Variants in MYO16 observed in about 807,000 individuals in gnomAD.
The protein encoded by MYO16 is unconventional myosin-XVI.
MYO16 carries 94 observed loss-of-function variants against 205.3 expected under a neutral mutation model. The observed-to-expected ratio is 0.46, with a 90% CI of 0.39 to 0.54. The LOEUF (loss-of-function observed/expected upper bound fraction) is 0.54. MYO16 is among the 20% of genes least tolerant of loss of function. The pLI is 0.00. For missense variants in MYO16, 2,315 were observed against 2,387.5 expected (o/e 0.97, Z 0.63); for synonymous variants, 988 against 954.0 (o/e 1.04, Z -0.66).
At chr13:109,203,787 C>T (rs1052671089) in intron 34 of MYO16, among the ~76,000 whole-genome samples, 1 of 152,196 alleles carries the variant, frequency 6.6e-6, no homozygotes, top group Admixed American at 6.5e-5. Context: ...TTCTGAAGCA[C>T]CTCTGTCACT....
intron 11 of MYO16, among the ~76,000 whole-genome samples, chr13:108,861,751 T>C (rs764806396): frequency 4.4e-4 from 67 of 152,328 alleles, no homozygotes; most frequent in Non-Finnish European, 8.8e-4. Flanking sequence ...ATTATCTTCT[T>C]TTGTGAACTG....
intron 12 of MYO16, among the ~76,000 whole-genome samples, chr13:108,878,288 T>G (rs1879422469): frequency 6.6e-6 from 1 of 151,564 alleles, no homozygotes; most frequent in Non-Finnish European, 1.5e-5. Context: ...AACACCAGAC[T>G]CCACAAGCAG....
intron 31 of MYO16, among the ~76,000 whole-genome samples, chr13:109,134,645 A>G (rs574431178): frequency 4.6e-5 from 7 of 152,296 alleles, no homozygotes; most frequent in South Asian, 2.1e-4. Flanking sequence ...AGGGTATCCA[A>G]CTTCTTACAG....
chr13:109,202,046 G>C (rs1364019052), intron 34 of MYO16, among the ~76,000 whole-genome samples: 2 of 151,510 alleles, frequency 1.3e-5, no homozygotes, highest in East Asian at 1.9e-4. Context: ...ATCATATATG[G>C]GGTATATATA....
chr13:108,781,632 T>C (rs888545084), intron 4 of MYO16, among the ~76,000 whole-genome samples: 2 of 152,322 alleles, frequency 1.3e-5, no homozygotes, highest in East Asian at 3.9e-4. Flanking sequence ...CTGGCTCTTT[T>C]ACTGTCTTTC....
At chr13:109,096,003 G>A (rs933793025) in intron 27 of MYO16, among the ~76,000 whole-genome samples, 7 of 152,172 alleles carry the variant, frequency 4.6e-5, no homozygotes, top group Admixed American at 6.5e-5. Flanking sequence ...CTGTAGCAAC[G>A]GCGATGAAGA....
the MYO16 span, among the ~76,000 whole-genome samples, chr13:108,554,270 C>T: frequency 6.6e-6 from 1 of 151,950 alleles, no homozygotes; most frequent in Admixed American, 6.6e-5. Context: ...GCTTCCTTCC[C>T]TGGGTCTTTT....
At chr13:108,710,595 C>A (rs1298361598) in intron 2 of MYO16, among the ~76,000 whole-genome samples, 1 of 152,150 alleles carries the variant, frequency 6.6e-6, no homozygotes, top group Non-Finnish European at 1.5e-5. Context: ...TTCTCACAAA[C>A]CCCCATGAAA....
chr13:108,748,337 A>G (rs1453626245), intron 4 of MYO16, among the ~76,000 whole-genome samples: 1 of 152,084 alleles, frequency 6.6e-6, no homozygotes, highest in Non-Finnish European at 1.5e-5. Flanking sequence ...ATCAAAATGT[A>G]TGGGATGCAG....
chr13:108,785,752 A>C lies in MYO16; in HGVS notation c.616+9A>C, dbSNP rs1886439076. 6.6e-7 allele frequency: 1 copy of C among 1,510,116 alleles called. No individual in the cohort carries two copies. Among genetic ancestry groups the C allele is most frequent in the Non-Finnish European group, 9.1e-7 (1 of 1,098,938 alleles). The allele number at this position is 1,510,116 out of a possible 1,614,324, so 93.5% of individuals were successfully genotyped here. On this transcript the variant is annotated intron_variant, in intron 5 of 34. Transcript: ENST00000457511. ...CTATCTGGATGAAAATGGTAGGCAA[A>C]AACTTTTAAAACCATAGAAAAAAAT...
At chr13:108,974,372 G>A (rs1384070732) in intron 20 of MYO16, among the ~76,000 whole-genome samples, 2 of 151,946 alleles carry the variant, frequency 1.3e-5, no homozygotes, top group Non-Finnish European at 2.9e-5. Flanking sequence ...TGGGAATTCA[G>A]TGAATACCAT....
rs1286208012 is a variant in MYO16 at position 109,056,081 on chromosome 13, G to A, written c.3335+486G>A. 2.5e-5 allele frequency: 4 copies of A among 158,496 alleles called. No homozygotes were observed. The East Asian group carries it at 7.3e-4, about 29-fold the overall frequency. The allele number at this position is 158,496 out of a possible 1,614,324, so 9.8% of individuals were successfully genotyped here. ...ACAATCATTTCTTTGCATATTGTCT[G>A]TAACCACTTTTGCACTGCAATAGAG... is the stretch of plus-strand genomic sequence containing the variant. On this transcript the variant is annotated intron_variant, in intron 27 of 34. Coordinates refer to ENST00000457511, the MANE Select transcript of MYO16 (RefSeq NM_001198950.3).
chr13:108,864,172 T>C (rs1182900668), intron 11 of MYO16, among the ~76,000 whole-genome samples: 2 of 152,168 alleles, frequency 1.3e-5, no homozygotes, highest in African/African-American at 2.4e-5. Flanking sequence ...TTTCATTCAT[T>C]TTACTCATTT....
intron 3 of MYO16, among the ~76,000 whole-genome samples, chr13:108,713,637 ATGGCCAACAT>A (rs1883808891): frequency 6.6e-6 from 1 of 152,188 alleles, no homozygotes; most frequent in Non-Finnish European, 1.5e-5. Flanking sequence ...ATTCTAATTT[ATGGCCAACAT>A]TGGGGAAAAA....
intron 32 of MYO16, among the ~76,000 whole-genome samples, chr13:109,147,551 G>A (rs767097543): frequency 7.2e-5 from 11 of 152,290 alleles, no homozygotes; most frequent in Non-Finnish European, 1.3e-4. Flanking sequence ...ATAATGGGAT[G>A]CAGAGCTTAG....
intron 10 of MYO16, 98 bp downstream of exon 10, chr13:108,844,591 G>A: frequency 8.0e-7 from 1 of 1,249,678 alleles, no homozygotes; most frequent in Non-Finnish European, 1.1e-6. Flanking sequence ...GCACTAATTT[G>A]CATTCAAAGA....
chr13:108,559,251 C>T, the MYO16 span, among the ~76,000 whole-genome samples: 1 of 151,892 alleles, frequency 6.6e-6, no homozygotes, highest in African/African-American at 2.4e-5. Context: ...CTCTGCGTGA[C>T]CACAGAGGCA....
chr13:108,901,244 T>A (rs919531621), intron 15 of MYO16, among the ~76,000 whole-genome samples: 2 of 152,176 alleles, frequency 1.3e-5, no homozygotes, highest in African/African-American at 4.8e-5. Context: ...TTGTGAAACA[T>A]GTGATTTCTG....
chr13:109,066,420 G>A (rs188922326), intron 27 of MYO16, among the ~76,000 whole-genome samples: 2 of 152,308 alleles, frequency 1.3e-5, no homozygotes, highest in East Asian at 3.9e-4. Context: ...GTTCTTGAGT[G>A]TTGGCTGCTT....
Sources: gnomAD v4.1 joint callset for allele counts (sites outside exome capture counted in the v4.1 genomes callset) on GRCh38, gnomAD v4.1.1 for gene constraint, MANE v1.5 for transcripts, NCBI Gene and HGNC (gene_info 2026-07-23, HGNC 2026-07-21) for gene names.